Variants in PKHD1 observed in about 807,000 individuals in gnomAD.
PKHD1 encodes fibrocystin.
Under a neutral mutation model 412.0 loss-of-function variants are expected in PKHD1, and 291 were observed. The observed-to-expected ratio is 0.71, with a 90% CI of 0.64 to 0.78. The LOEUF (loss-of-function observed/expected upper bound fraction) is 0.78. Among genes scored for constraint, PKHD1 ranks in the 30% least tolerant of loss-of-function variants. PKHD1 has a pLI of 0.00. For missense variants in PKHD1, 4,825 were observed against 4,950.7 expected (o/e 0.97, Z 0.76); for synonymous variants, 1,777 against 1,821.5 (o/e 0.98, Z 0.62).
At chr6:51,668,917 G>T (rs1026489126) in intron 60 of PKHD1, among the ~76,000 whole-genome samples, 1 of 152,208 alleles carries the variant, frequency 6.6e-6, no homozygotes, top group African/African-American at 2.4e-5. Context: ...TGGGGGATAA[G>T]CTGTTTGATG....
At chr6:51,848,740 AG>A (rs1771656548) in intron 49 of PKHD1, among the ~76,000 whole-genome samples, 1 of 152,156 alleles carries the variant, frequency 6.6e-6, no homozygotes, top group Non-Finnish European at 1.5e-5. Flanking sequence ...TGACCATGGC[AG>A]GGCTTCTGTC....
chr6:51,886,006 T>C (rs1223114444), intron 44 of PKHD1, 34 bp from the exon 45 acceptor site: 3 of 1,226,650 alleles, frequency 2.4e-6, no homozygotes, highest in Admixed American at 1.7e-5. Context: ...TTAAGCCAAT[T>C]TTTATGTTTC....
intron 52 of PKHD1, among the ~76,000 whole-genome samples, chr6:51,826,625 TC>T (rs1377673542): frequency 6.6e-6 from 1 of 152,158 alleles, no homozygotes; most frequent in Non-Finnish European, 1.5e-5. Context: ...GGCCAATTTT[TC>T]CAATATTTAG....
At chr6:51,836,846 C>T (rs1769319417) in intron 50 of PKHD1, among the ~76,000 whole-genome samples, 1 of 152,148 alleles carries the variant, frequency 6.6e-6, no homozygotes, top group Non-Finnish European at 1.5e-5. Context: ...ATGTGTTTTT[C>T]ACCAATAGAG....
At chr6:52,067,136 T>A (rs888589648) in intron 11 of PKHD1, among the ~76,000 whole-genome samples, 3 of 152,222 alleles carry the variant, frequency 2.0e-5, no homozygotes, top group African/African-American at 7.2e-5. Context: ...TATTTTATAA[T>A]GCTTTTTGCC....
intron 37 of PKHD1, among the ~76,000 whole-genome samples, chr6:51,922,952 G>A (rs1482968632): frequency 6.6e-6 from 1 of 152,126 alleles, no homozygotes; most frequent in Non-Finnish European, 1.5e-5. Context: ...TGCATCCACT[G>A]TCCAACAAGT....
intron 36 of PKHD1, among the ~76,000 whole-genome samples, chr6:51,943,301 C>T (rs768291362): frequency 6.6e-6 from 1 of 151,356 alleles, no homozygotes; most frequent in Non-Finnish European, 1.5e-5. Context: ...CTACAAGGTA[C>T]AGCCCATTTG....
chr6:52,042,491 T>G (rs1805061106), intron 27 of PKHD1, among the ~76,000 whole-genome samples: 1 of 152,160 alleles, frequency 6.6e-6, no homozygotes, highest in Non-Finnish European at 1.5e-5. Flanking sequence ...ACCCAATTCA[T>G]AAGGCTATGT....
At chr6:51,828,406 A>G (rs1406033459) in intron 52 of PKHD1, among the ~76,000 whole-genome samples, 3 of 152,134 alleles carry the variant, frequency 2.0e-5, no homozygotes, top group African/African-American at 7.2e-5. Flanking sequence ...TAAAATACTT[A>G]GTATGGTGCA....
chr6:51,815,581 A>C (rs559383623), intron 52 of PKHD1, among the ~76,000 whole-genome samples: 18 of 152,300 alleles, frequency 1.2e-4, no homozygotes, highest in African/African-American at 4.3e-4. Flanking sequence ...GAATGAGTAG[A>C]TAAGTAGAAC....
intron 52 of PKHD1, among the ~76,000 whole-genome samples, chr6:51,803,384 T>C (rs1410899247): frequency 2.0e-5 from 3 of 152,176 alleles, no homozygotes; most frequent in South Asian, 4.1e-4. Flanking sequence ...GTTCCTAGAA[T>C]GTTTATTCAC....
intron 60 of PKHD1, among the ~76,000 whole-genome samples, chr6:51,667,904 T>C (rs990432511): frequency 7.9e-5 from 12 of 152,222 alleles, no homozygotes; most frequent in African/African-American, 2.7e-4. Flanking sequence ...CATTGATCTA[T>C]ATCTCTGTTT....
rs151160618 is a variant in PKHD1, at chr6:52,017,599, C to T, written c.5411G>A (p.Arg1804His). ...GGCAGCCTCACAGCTGTCCTCCTCACGCTTCAGGCCACACAGGAAGGCCAA... is the reference window on the plus strand; with the variant it reads ...GGCAGCCTCACAGCTGTCCTCCTCATGCTTCAGGCCACACAGGAAGGCCAA... ...VSLAFLCGLK[R>H]EEDSCEAARH... is the part of the protein sequence containing the mutation. The change falls in exon 34 of 67, where the codon CGT becomes CAT. Residue 1804 changes from arginine (R) to histidine (H), a missense_variant. By Grantham distance (29) the Arg-to-His change is conservative (BLOSUM62 0). Transcript: ENST00000371117. 8.7e-5 allele frequency: 140 copies of T among 1,613,784 alleles called. No individual in the cohort carries two copies. The highest frequency in any genetic ancestry group is 5.1e-4 in the East Asian group (23 of 44,890).
intron 60 of PKHD1, among the ~76,000 whole-genome samples, chr6:51,737,929 T>C (rs1582375834): frequency 1.3e-5 from 2 of 152,322 alleles, no homozygotes; most frequent in East Asian, 3.9e-4. Context: ...TGTTTTAAAA[T>C]TTTCAGTCTA....
At chr6:52,077,336 G>T (rs1811465611) in intron 5 of PKHD1, among the ~76,000 whole-genome samples, 1 of 152,106 alleles carries the variant, frequency 6.6e-6, no homozygotes, top group South Asian at 2.1e-4. Flanking sequence ...GCTTAAGGAT[G>T]AACTGGCCAG....
chr6:51,657,882 T>G (rs1772150828), intron 61 of PKHD1, among the ~76,000 whole-genome samples: 1 of 152,130 alleles, frequency 6.6e-6, no homozygotes, highest in African/African-American at 2.4e-5. Context: ...TTACGACCTA[T>G]TAGAAAGCTC....
chr6:51,771,199 TACACACACACAC>T (rs113140015), intron 55 of PKHD1, among the ~76,000 whole-genome samples: 2 of 150,178 alleles, frequency 1.3e-5, no homozygotes, highest in African/African-American at 4.9e-5. Context: ...ACAGGTAGGA[TACACACACACAC>T]ACACACACAC....
intron 57 of PKHD1, among the ~76,000 whole-genome samples, chr6:51,748,945 G>T (rs2150988792): frequency 6.6e-6 from 1 of 152,240 alleles, no homozygotes; most frequent in South Asian, 2.1e-4. Flanking sequence ...TTGGGGATGG[G>T]CATGGCCAAG....
At chr6:51,916,537 T>G (rs1016250755) in intron 37 of PKHD1, among the ~76,000 whole-genome samples, 4 of 152,180 alleles carry the variant, frequency 2.6e-5, no homozygotes, top group Non-Finnish European at 5.9e-5. Context: ...TAAATGGAAT[T>G]TGTAGCCTCT....
Sources: gnomAD v4.1 joint callset for allele counts (sites outside exome capture counted in the v4.1 genomes callset) on GRCh38, gnomAD v4.1.1 for gene constraint, MANE v1.5 for transcripts, NCBI Gene and HGNC (gene_info 2026-07-23, HGNC 2026-07-21) for gene names.